KANK4: variants seen among roughly 807,000 people sequenced by gnomAD.
KANK4 encodes KN motif and ankyrin repeat domain-containing protein 4.
In KANK4, 50 loss-of-function variants were observed where a neutral mutation model predicts 80.8. That is an observed-to-expected ratio of 0.62 (90% CI 0.49 to 0.78). The LOEUF (loss-of-function observed/expected upper bound fraction) is 0.78. KANK4 is among the 30% of genes least tolerant of loss of function. The pLI is 0.00. For synonymous variants in KANK4, 465 were observed against 506.9 expected (o/e 0.92, Z 1.11); for missense variants, 1,196 against 1,240.1 (o/e 0.96, Z 0.53).
chr1:62,307,334 T>A (rs1016561185), intron 1 of KANK4, among the ~76,000 whole-genome samples: 1 of 151,808 alleles, frequency 6.6e-6, no homozygotes, highest in African/African-American at 2.4e-5. Context: ...ATACAAAAAT[T>A]AGCCGGACGT....
chr1:62,263,597 C>T lies in KANK4; in HGVS notation c.2320-286G>A, dbSNP rs1017115205. On this transcript the variant is annotated intron_variant, in intron 6 of 9. Transcript: ENST00000371153. Reference sequence around the variant, plus strand: ...AAGTTTGAGTCTGCGGGAAGTTTAGCTCACACCCCCCAGTAAGAAGTTTAG... The same window carrying T: ...AAGTTTGAGTCTGCGGGAAGTTTAGTTCACACCCCCCAGTAAGAAGTTTAG... 7.2e-5 allele frequency among the ~76,000 whole-genome samples: 11 copies of T among 152,280 alleles called. 1 individual carries two copies. The East Asian group carries it at 1.9e-3, about 27-fold the overall frequency.
intron 9 of KANK4, among the ~76,000 whole-genome samples, chr1:62,238,920 G>A (rs1437649240): frequency 1.3e-5 from 2 of 151,710 alleles, no homozygotes; most frequent in African/African-American, 4.8e-5. Context: ...GTGAGCTACT[G>A]AGCCCAGCCC....
chr1:62,316,428 G>C (rs1289267124), intron 1 of KANK4, among the ~76,000 whole-genome samples: 1 of 152,192 alleles, frequency 6.6e-6, no homozygotes, highest in East Asian at 1.9e-4. Flanking sequence ...AACGAAAAGA[G>C]GCTGCTTGGC....
intron 1 of KANK4, among the ~76,000 whole-genome samples, chr1:62,317,490 G>T (rs1375064450): frequency 6.6e-6 from 1 of 152,174 alleles, no homozygotes; most frequent in Non-Finnish European, 1.5e-5. Context: ...CATTATTACA[G>T]TTCAGAAAGG....
rs199999610 is a variant in KANK4, at chr1:62,238,632, C to CTT, written c.2884-253_2884-252dup. Among the ~76,000 whole-genome samples, 33,350 of 141,904 alleles carry CTT rather than the reference C, an allele frequency of 0.24. 4,443 individuals are homozygous for CTT. The highest frequency in any genetic ancestry group is 0.3 in the Non-Finnish European group (19,878 of 65,250). 93.1% of individuals were successfully genotyped at this position (141,904 alleles called of 152,430 possible). A position where few individuals can be genotyped will look rare whatever the true frequency, so the allele number is the denominator to read the frequency against. ...GAAGGGCCATCTAGTTTTTAATGCTCTTTTTTTTTTTTTTTGAGATGGAGT... is the reference window on the plus strand; with the variant it reads ...GAAGGGCCATCTAGTTTTTAATGCTCTTTTTTTTTTTTTTTTTGAGATGGAGT... On this transcript the variant is annotated intron_variant, in intron 9 of 9. Transcript: ENST00000371153.
chr1:62,263,140 T>C lies in KANK4; in HGVS notation c.2491A>G (p.Ser831Gly), dbSNP rs1671929529. 3 of 1,613,674 alleles carry C rather than the reference T, an allele frequency of 1.9e-6. No homozygotes were observed. The highest frequency in any genetic ancestry group is 2.5e-6 in the Non-Finnish European group (3 of 1,179,882). Residue 831 changes from serine (S) to glycine (G), a missense_variant, in exon 7 of 10, where the codon AGC becomes GGC. Physicochemically the swap from Ser to Gly is moderately conservative, Grantham distance 56 (BLOSUM62 0). Transcript: ENST00000371153. ...ATGGAGAAGTTGGAGTGGGACACGCTGTAGTGAAGGGCCGTGTTCCCGTTG... is the reference window on the plus strand; with the variant it reads ...ATGGAGAAGTTGGAGTGGGACACGCCGTAGTGAAGGGCCGTGTTCCCGTTG... ...DHNGNTALHY[S>G]VSHSNFSIVK... is the part of the protein sequence containing the mutation.
At chr1:62,305,973 A>G (rs1190150052) in intron 1 of KANK4, among the ~76,000 whole-genome samples, 1 of 151,090 alleles carries the variant, frequency 6.6e-6, no homozygotes, top group Admixed American at 6.6e-5. Flanking sequence ...AGTGTTTCCC[A>G]TTACAGACTC....
At chr1:62,242,171 T>A (rs1258197264) in intron 9 of KANK4, among the ~76,000 whole-genome samples, 3 of 151,568 alleles carry the variant, frequency 2.0e-5, no homozygotes, top group Non-Finnish European at 2.9e-5. Context: ...CCAGGTATGG[T>A]GCAAAATTTG....
At chr1:62,250,047 G>A (rs777265422) in intron 8 of KANK4, among the ~76,000 whole-genome samples, 14 of 151,686 alleles carry the variant, frequency 9.2e-5, no homozygotes, top group South Asian at 2.1e-4. Context: ...GTGCAGTGGC[G>A]TGATCTTGGC....
At chr1:62,311,070 G>A (rs1200979141) in intron 1 of KANK4, among the ~76,000 whole-genome samples, 3 of 152,106 alleles carry the variant, frequency 2.0e-5, no homozygotes, top group Non-Finnish European at 4.4e-5. Flanking sequence ...AAAGGCCAGA[G>A]AGATGGATTG....
At chr1:62,265,952 T>C (rs1185398677) in intron 6 of KANK4, among the ~76,000 whole-genome samples, 1 of 152,330 alleles carries the variant, frequency 6.6e-6, no homozygotes, top group Admixed American at 6.5e-5. Flanking sequence ...ACCACCTTCA[T>C]TTTATTGATG....
chr1:62,314,242 G>A (rs1377908427), intron 1 of KANK4, among the ~76,000 whole-genome samples: 1 of 152,104 alleles, frequency 6.6e-6, no homozygotes, highest in Non-Finnish European at 1.5e-5. Flanking sequence ...TCGAACTCCT[G>A]ACCTCAGGTG....
Position 62,238,300 on chromosome 1 carries a change from G to A in KANK4, c.2965C>T (p.Gln989Ter). 1 of 1,613,832 alleles carries A rather than the reference G, an allele frequency of 6.2e-7. No homozygotes were observed. Among genetic ancestry groups the A allele is most frequent in the Admixed American group, 1.7e-5 (1 of 60,024 alleles). The change falls in exon 10 of 10, where the codon CAG (glutamine) becomes TAG (stop). Residue 989 changes from glutamine to a stop codon, truncating the protein, a stop_gained. Coordinates refer to ENST00000371153, the MANE Select transcript of KANK4 (RefSeq NM_181712.5). LOFTEE classifies it high-confidence loss of function. ...CCCTACAGCCCCAGGGACCTGCCCT[G>A]CTCCGCGTGGGCTCTCAGAAGCCCA... is the stretch of plus-strand genomic sequence containing the variant. ...IAGLLRAHAEQGRSLGL is the reference protein window; with the variant it reads ...IAGLLRAHAE
intron 2 of KANK4, among the ~76,000 whole-genome samples, chr1:62,278,385 C>CTTTT (rs1557493542): frequency 2.2e-5 from 1 of 44,656 alleles, no homozygotes; most frequent in African/African-American, 7.2e-5. Context: ...TCCTTTCTTT[C>CTTTT]TTTCTTTCTT....
At chr1:62,295,964 A>C (rs190486699) in intron 1 of KANK4, among the ~76,000 whole-genome samples, 2 of 152,234 alleles carry the variant, frequency 1.3e-5, no homozygotes, top group Admixed American at 1.3e-4. Flanking sequence ...TGTCCTGGGT[A>C]AGTCCTTTAC....
intron 1 of KANK4, among the ~76,000 whole-genome samples, chr1:62,310,361 C>T (rs575696337): frequency 1.3e-5 from 2 of 151,994 alleles, no homozygotes; most frequent in Admixed American, 6.6e-5. Flanking sequence ...GGAGCAGCAG[C>T]ATTAATGGCC....
intron 8 of KANK4, among the ~76,000 whole-genome samples, chr1:62,250,357 G>T (rs915647052): frequency 2.0e-5 from 3 of 152,196 alleles, no homozygotes; most frequent in African/African-American, 7.2e-5. Flanking sequence ...CTGATGCAGG[G>T]CCCCTTCCTT....
At chr1:62,242,539 A>G (rs549200530) in intron 9 of KANK4, among the ~76,000 whole-genome samples, 16 of 152,214 alleles carry the variant, frequency 1.1e-4, no homozygotes, top group Middle Eastern at 3.4e-3. Flanking sequence ...GAAGTTTTCA[A>G]TCTGATGGGT....
In KANK4 at chr1:62,286,448, A is replaced by T. The variant is rs145176192; in HGVS notation, c.-70-4814T>A. Among the ~76,000 whole-genome samples, 14 of 152,374 alleles carry T rather than the reference A, an allele frequency of 9.2e-5. No homozygotes were observed. In the East Asian group the frequency reaches 2.7e-3, roughly 29 times the overall value. On this transcript the variant is annotated intron_variant, in intron 1 of 9. Transcript: ENST00000371153. ...AACGAATTCACTGCTCAATAAACTA[A>T]GACTGGATCTTGCAGAAAGAGGAAG...
Sources: gnomAD v4.1 joint callset for allele counts (sites outside exome capture counted in the v4.1 genomes callset) on GRCh38, gnomAD v4.1.1 for gene constraint, MANE v1.5 for transcripts, NCBI Gene and HGNC (gene_info 2026-07-23, HGNC 2026-07-21) for gene names.